The following HNF4G variants were observed in gnomAD, a reference collection of about 807,000 sequenced individuals.
The protein encoded by HNF4G is hepatocyte nuclear factor 4-gamma.
HNF4G carries 21 observed loss-of-function variants against 50.9 expected under a neutral mutation model. The observed-to-expected ratio is 0.41, with a 90% CI of 0.29 to 0.59. The LOEUF (loss-of-function observed/expected upper bound fraction) is 0.59, where lower values mean the gene tolerates loss of function less well. Among genes scored for constraint, HNF4G ranks in the 20% least tolerant of loss-of-function variants. HNF4G has a pLI of 0.26. For missense variants in HNF4G, 527 were observed against 559.4 expected (o/e 0.94, Z 0.58); for synonymous variants, 198 against 185.6 (o/e 1.07, Z -0.54).
intron 2 of HNF4G, among the ~76,000 whole-genome samples, chr8:75,497,031 G>A (rs1812787548): frequency 1.3e-5 from 2 of 151,700 alleles, no homozygotes; most frequent in Non-Finnish European, 2.9e-5. Context: ...ACCTAGTTGA[G>A]TAGGGGCTAC....
intron 2 of HNF4G, among the ~76,000 whole-genome samples, chr8:75,532,961 C>T (rs1053350243): frequency 6.6e-6 from 1 of 151,984 alleles, no homozygotes; most frequent in Admixed American, 6.6e-5. Flanking sequence ...TATAAGTCTT[C>T]ATCATTATCA....
In HNF4G at chr8:75,564,320, A is replaced by G; in HGVS notation, c.*224A>G. ...TATATCTGAGTTTGAAGATGTTTAT[A>G]TAGGGTATTTTTTCCAACTGCCCCT... On this transcript the variant is annotated 3_prime_UTR_variant, in exon 10 of 10. Coordinates refer to ENST00000396423, the MANE Select transcript of HNF4G (RefSeq NM_004133.5). The G allele has an allele frequency of 2.2e-6, 1 of 451,256 alleles. No individual in the cohort carries two copies. The highest frequency in any genetic ancestry group is 3.5e-5 in the South Asian group (1 of 28,458). 28.0% of individuals were successfully genotyped at this position (451,256 alleles called of 1,614,324 possible). A position where few individuals can be genotyped will look rare whatever the true frequency, so the allele number is the denominator to read the frequency against.
At chr8:75,560,011 A>G (rs903505917) in intron 8 of HNF4G, among the ~76,000 whole-genome samples, 14 of 152,308 alleles carry the variant, frequency 9.2e-5, no homozygotes, top group Middle Eastern at 3.4e-3. Context: ...TGTTCATGCT[A>G]TTACAGTGAT....
intron 2 of HNF4G, among the ~76,000 whole-genome samples, chr8:75,529,281 G>A (rs1004248376): frequency 2.6e-5 from 4 of 151,296 alleles, no homozygotes; most frequent in Non-Finnish European, 4.4e-5. Context: ...ACGGAGCGAG[G>A]TTCTGTCTAA....
intron 2 of HNF4G, among the ~76,000 whole-genome samples, chr8:75,523,085 C>T (rs1274563754): frequency 6.6e-6 from 1 of 151,928 alleles, no homozygotes; most frequent in African/African-American, 2.4e-5. Context: ...ATTAGCCGAG[C>T]TTGGTGGCGG....
chr8:75,428,068 T>G (rs548114129), intron 1 of HNF4G, among the ~76,000 whole-genome samples: 3 of 152,284 alleles, frequency 2.0e-5, no homozygotes, highest in African/African-American at 7.2e-5. Context: ...AACATTACAT[T>G]GTGGTGAGAA....
chr8:75,531,551 G>T (rs1016351674), intron 2 of HNF4G, among the ~76,000 whole-genome samples: 1 of 151,914 alleles, frequency 6.6e-6, no homozygotes, highest in African/African-American at 2.4e-5. Context: ...TTATTTGGAT[G>T]AAATATCCCT....
upstream of HNF4G, among the ~76,000 whole-genome samples, chr8:75,539,040 A>G (rs1806540732): frequency 6.6e-6 from 1 of 152,222 alleles, no homozygotes; most frequent in Non-Finnish European, 1.5e-5. Context: ...TTGATTGAGA[A>G]CTATTGTCTA....
rs547800668 is a variant in HNF4G, at chr8:75,496,368, A to AT, written c.-24+6168dup. Among the ~76,000 whole-genome samples the AT allele has an allele frequency of 1.7e-4, 26 of 151,650 alleles. No individual in the cohort carries two copies. The South Asian group carries it at 4.2e-3, about 24-fold the overall frequency. On this transcript the variant is annotated intron_variant, in intron 2 of 10. Transcript: ENST00000354370. ...TCCTGAATATATCTTAATATAATATATTTTTTTTCAACTCAGTGGATGTTA... is the reference window on the plus strand; with the variant it reads ...TCCTGAATATATCTTAATATAATATATTTTTTTTTCAACTCAGTGGATGTTA...
chr8:75,494,176 A>G (rs1489011356), intron 2 of HNF4G, among the ~76,000 whole-genome samples: 1 of 152,172 alleles, frequency 6.6e-6, no homozygotes, highest in Non-Finnish European at 1.5e-5. Flanking sequence ...AAGAGAAGAC[A>G]GTTAATGAGA....
chr8:75,525,081 G>T (rs185737285), intron 2 of HNF4G, among the ~76,000 whole-genome samples: 1 of 152,172 alleles, frequency 6.6e-6, no homozygotes, highest in Admixed American at 6.5e-5. Context: ...GAGGACAGAT[G>T]AGGTCATAGC....
Position 75,517,990 on chromosome 8 carries a change from T to TA in HNF4G, c.-23-25819dup, listed in dbSNP as rs398008376. The stretch of plus-strand genomic sequence containing the variant: ...TTCTAAACCTCAATTCTTTTTTTTT[T>TA]AATTATTATTATTATACTTTAAGTT... On this transcript the variant is annotated intron_variant, in intron 2 of 10. Transcript: ENST00000354370. Among the ~76,000 whole-genome samples the TA allele has an allele frequency of 6.6e-5, 10 of 151,454 alleles. No individual in the cohort carries two copies. The East Asian group carries it at 9.7e-4, about 15-fold the overall frequency.
At position 75,565,251 on chromosome 8, in the gene HNF4G, T is replaced by C. The variant is rs994257232; in HGVS notation, c.*1155T>C. On this transcript the variant is annotated 3_prime_UTR_variant, in exon 10 of 10. Coordinates refer to ENST00000396423, the MANE Select transcript of HNF4G (RefSeq NM_004133.5). ...TTTTTAAATATATGCAGTTGAGTGA[T>C]GATTGGATACTATTCATCATATTGC... 3.3e-5 allele frequency: 5 copies of C among 152,192 alleles called. No individual in the cohort carries two copies. Among genetic ancestry groups the C allele is most frequent in the African/African-American group, 1.2e-4 (5 of 41,450 alleles). The allele number at this position is 152,192 out of a possible 1,614,324, so 9.4% of individuals were successfully genotyped here. A position where few individuals can be genotyped will look rare whatever the true frequency, so the allele number is the denominator to read the frequency against.
chr8:75,545,968 G>A (rs767119588), intron 2 of HNF4G, among the ~76,000 whole-genome samples: 8 of 152,014 alleles, frequency 5.3e-5, no homozygotes, highest in Non-Finnish European at 1.2e-4. Context: ...GCAATGCCTT[G>A]TTCTCACTCT....
intron 2 of HNF4G, among the ~76,000 whole-genome samples, chr8:75,544,372 A>G (rs988263699): frequency 2.0e-5 from 3 of 152,074 alleles, no homozygotes; most frequent in Admixed American, 6.6e-5. Flanking sequence ...ACCTCTAAAC[A>G]TTTTAAAATC....
In HNF4G at chr8:75,540,030, C is replaced by A; in HGVS notation, c.68C>A (p.Thr23Asn). ...AATTACAGTGAAGTTTTGGACCCAA[C>A]TTACACAACTTTGGAGTTTGAAACT... The part of the protein sequence containing the change: ...MANYSEVLDP[T>N]YTTLEFETMQ... Residue 23 changes from threonine to asparagine, a missense_variant, in exon 1 of 10, where the codon ACT becomes AAT. By Grantham distance (65) the Thr-to-Asn change is moderately conservative. Transcript: ENST00000396423. 1.2e-6 allele frequency: 2 copies of A among 1,609,788 alleles called. No individual in the cohort carries two copies. Among genetic ancestry groups the A allele is most frequent in the East Asian group, 2.2e-5 (1 of 44,848 alleles).
chr8:75,557,739 A>T (rs767112882), intron 6 of HNF4G, among the ~76,000 whole-genome samples: 1 of 152,230 alleles, frequency 6.6e-6, no homozygotes, highest in Non-Finnish European at 1.5e-5. Context: ...ACATGCTGTT[A>T]CCCTGAGGAT....
intron 1 of HNF4G, among the ~76,000 whole-genome samples, chr8:75,416,550 G>T (rs768547422): frequency 6.6e-6 from 1 of 151,982 alleles, no homozygotes; most frequent in African/African-American, 2.4e-5. Flanking sequence ...ATATTAAAAT[G>T]CTGTACCCTT....
At chr8:75,469,376 G>C (rs529959711) in intron 1 of HNF4G, among the ~76,000 whole-genome samples, 42 of 152,260 alleles carry the variant, frequency 2.8e-4, no homozygotes, top group African/African-American at 9.9e-4. Context: ...GAGTAATTGC[G>C]ACAATAATCC....
Sources: allele counts gnomAD v4.1 joint callset (sites outside exome capture counted in the v4.1 genomes callset), GRCh38; gene constraint gnomAD v4.1.1; transcripts MANE v1.5; gene names NCBI Gene and HGNC (gene_info 2026-07-23, HGNC 2026-07-21).